NELL2: variants seen among roughly 807,000 people sequenced by gnomAD.
The protein encoded by NELL2 is neural EGFL like 2, also known as protein kinase C-binding protein NELL2.
Under a neutral mutation model 109.6 loss-of-function variants are expected in NELL2, and 41 were observed. That is an observed-to-expected ratio of 0.37 (90% CI 0.29 to 0.49). The LOEUF (loss-of-function observed/expected upper bound fraction) is 0.49. Ranked by LOEUF, NELL2 falls within the 20% of genes least tolerant of loss-of-function variation. The pLI, the probability that NELL2 is intolerant of heterozygous loss-of-function variation, is 0.98. For missense variants in NELL2, 900 were observed against 1,008.3 expected (o/e 0.89, Z 1.45); for synonymous variants, 355 against 344.7 (o/e 1.03, Z -0.33).
chr12:44,667,848 A>C (rs1947980756), intron 12 of NELL2, among the ~76,000 whole-genome samples: 1 of 152,164 alleles, frequency 6.6e-6, no homozygotes, highest in Non-Finnish European at 1.5e-5. Context: ...CATTCCTACC[A>C]CAGACTCATA....
At chr12:44,877,975 A>G (rs1451047804), upstream of NELL2, among the ~76,000 whole-genome samples, 2 of 152,248 alleles carry the variant, frequency 1.3e-5, no homozygotes, top group African/African-American at 4.8e-5. Context: ...AAAATATTCA[A>G]TTGTAATAAG....
At chr12:44,893,267 G>C (rs1276141411) in intron 1 of NELL2, among the ~76,000 whole-genome samples, 1 of 152,030 alleles carries the variant, frequency 6.6e-6, no homozygotes, top group Non-Finnish European at 1.5e-5. Context: ...TTCTTAATCA[G>C]TTCTTTCTAT....
chr12:44,871,294 G>A (rs1416307513), intron 2 of NELL2, among the ~76,000 whole-genome samples: 1 of 152,052 alleles, frequency 6.6e-6, no homozygotes, highest in African/African-American at 2.4e-5. Flanking sequence ...ATGGTGATTA[G>A]GTCTGTAACT....
At chr12:44,650,612 G>A (rs1947267406) in intron 13 of NELL2, among the ~76,000 whole-genome samples, 1 of 152,058 alleles carries the variant, frequency 6.6e-6, no homozygotes, top group Admixed American at 6.6e-5. Flanking sequence ...CTCTCTATAT[G>A]TTGAAGCCCT....
intron 3 of NELL2, among the ~76,000 whole-genome samples, chr12:44,788,710 G>T (rs1942271305): frequency 6.6e-6 from 1 of 152,182 alleles, no homozygotes; most frequent in Non-Finnish European, 1.5e-5. Flanking sequence ...TCCATAGGTG[G>T]GGAAAGAACC....
chr12:44,685,434 T>C (rs1167369650), intron 12 of NELL2, among the ~76,000 whole-genome samples: 1 of 152,180 alleles, frequency 6.6e-6, no homozygotes, highest in Non-Finnish European at 1.5e-5. Flanking sequence ...AATATTGTTA[T>C]GTGTGAATTT....
intron 12 of NELL2, among the ~76,000 whole-genome samples, chr12:44,672,364 G>A (rs972388295): frequency 3.3e-5 from 5 of 152,132 alleles, no homozygotes; most frequent in Non-Finnish European, 7.4e-5. Flanking sequence ...AACTGTTCAT[G>A]TGAGGGATCT....
At chr12:44,884,925 C>A (rs1219704649) in intron 1 of NELL2, among the ~76,000 whole-genome samples, 1 of 151,980 alleles carries the variant, frequency 6.6e-6, no homozygotes, top group Non-Finnish European at 1.5e-5. Context: ...TAAAAATATA[C>A]ATCTAATGAG....
At chr12:44,612,315 A>T (rs543536458) in intron 13 of NELL2, among the ~76,000 whole-genome samples, 1 of 152,176 alleles carries the variant, frequency 6.6e-6, no homozygotes, top group Non-Finnish European at 1.5e-5. Flanking sequence ...CAAAGTTATG[A>T]TAGCTTTAAT....
intron 12 of NELL2, among the ~76,000 whole-genome samples, chr12:44,703,508 A>G (rs1396809977): frequency 3.3e-5 from 5 of 152,246 alleles, no homozygotes; most frequent in East Asian, 1.9e-4. Context: ...TTCTAATTCA[A>G]GAAACCAGCC....
At chr12:44,598,860 C>CAG (rs1315345091) in intron 15 of NELL2, among the ~76,000 whole-genome samples, 1 of 145,392 alleles carries the variant, frequency 6.9e-6, no homozygotes, top group Non-Finnish European at 1.5e-5. Flanking sequence ...GAAATACACA[C>CAG]ACACACACAC....
chr12:44,779,862 T>C lies in NELL2; in HGVS notation c.496A>G (p.Ile166Val), dbSNP rs757747905. The C allele has an allele frequency of 1.2e-6, 2 of 1,613,860 alleles. No individual in the cohort carries two copies. The highest frequency in any genetic ancestry group is 1.7e-5 in the Admixed American group (1 of 60,002). The change falls in exon 4 of 20, where the codon ATT becomes GTT. Residue 166 changes from isoleucine to valine, a missense_variant. Physicochemically the swap from Ile to Val is conservative, Grantham distance 29 (BLOSUM62 3). Coordinates refer to ENST00000429094, the MANE Select transcript of NELL2 (RefSeq NM_001145108.2). ...CACTACACTTACTTATTGCAGTCAA[T>C]GTGTAAAATCAAATGGGAAGCACTG... Reference protein sequence around the residue: ...AISASHLILHIDCNKIYERVV... With the variant: ...AISASHLILHVDCNKIYERVV...
At chr12:44,526,421 T>C (rs955270689) in intron 16 of NELL2, among the ~76,000 whole-genome samples, 1 of 152,166 alleles carries the variant, frequency 6.6e-6, no homozygotes, top group African/African-American at 2.4e-5. Flanking sequence ...AATCAGGAAA[T>C]TGAGACATAA....
intron 2 of NELL2, among the ~76,000 whole-genome samples, chr12:44,871,954 T>C (rs1473194046): frequency 1.3e-5 from 2 of 152,212 alleles, no homozygotes; most frequent in Non-Finnish European, 2.9e-5. Context: ...CAGAGGAAAT[T>C]ATCTACTTTG....
intron 1 of NELL2, among the ~76,000 whole-genome samples, chr12:44,912,525 A>G (rs894471234): frequency 3.9e-5 from 6 of 152,120 alleles, no homozygotes; most frequent in Non-Finnish European, 8.8e-5. Flanking sequence ...AAAGGAGAAA[A>G]TCAGAGAACT....
chr12:44,550,276 TA>T (rs1255637268), intron 15 of NELL2, among the ~76,000 whole-genome samples: 2 of 152,012 alleles, frequency 1.3e-5, no homozygotes, highest in African/African-American at 2.4e-5. Context: ...AATAAAAAAT[TA>T]AAAATACAAT....
At chr12:44,651,176 C>T (rs939365368) in intron 13 of NELL2, among the ~76,000 whole-genome samples, 6 of 152,188 alleles carry the variant, frequency 3.9e-5, no homozygotes, top group African/African-American at 1.4e-4. Context: ...CCCTACCCCA[C>T]CCCACTTGTC....
chr12:44,764,671 T>C (rs899358717), intron 9 of NELL2, among the ~76,000 whole-genome samples: 1 of 152,334 alleles, frequency 6.6e-6, no homozygotes, highest in South Asian at 2.1e-4. Flanking sequence ...GCCACTTTAC[T>C]AGCTGGCTTA....
intron 3 of NELL2, among the ~76,000 whole-genome samples, chr12:44,811,074 C>A (rs957482545): frequency 1.3e-5 from 2 of 151,822 alleles, no homozygotes; most frequent in African/African-American, 2.4e-5. Flanking sequence ...ACTAACACAG[C>A]AAAAGAAAAC....
Sources: allele counts gnomAD v4.1 joint callset (sites outside exome capture counted in the v4.1 genomes callset), GRCh38; gene constraint gnomAD v4.1.1; transcripts MANE v1.5; gene names NCBI Gene and HGNC (gene_info 2026-07-23, HGNC 2026-07-21).